KCNT2: variants seen among roughly 807,000 people sequenced by gnomAD.
KCNT2 encodes potassium channel subfamily T member 2.
KCNT2 carries 67 observed loss-of-function variants against 153.8 expected under a neutral mutation model. That is an observed-to-expected ratio of 0.44 (90% CI 0.36 to 0.53). KCNT2 has a LOEUF of 0.53. Among genes scored for constraint, KCNT2 ranks in the 20% least tolerant of loss-of-function variants. The pLI, the probability that KCNT2 is intolerant of heterozygous loss-of-function variation, is 0.00. For missense variants in KCNT2, 975 were observed against 1,354.8 expected, an observed-to-expected ratio of 0.72 and a Z score of 4.40; for synonymous variants, 500 against 458.8, an observed-to-expected ratio of 1.09 and a Z score of -1.15.
At chr1:196,287,881 T>C (rs767266210) in intron 22 of KCNT2, among the ~76,000 whole-genome samples, 5 of 152,122 alleles carry the variant, frequency 3.3e-5, no homozygotes, top group Non-Finnish European at 5.9e-5. Flanking sequence ...TGCAAGAACT[T>C]ACACTGCTGT....
chr1:196,264,743 T>C (rs1043179427), intron 25 of KCNT2, among the ~76,000 whole-genome samples: 3 of 152,178 alleles, frequency 2.0e-5, no homozygotes, highest in African/African-American at 7.2e-5. Flanking sequence ...GCAATCCTCC[T>C]GCCTCAGACT....
In KCNT2 at chr1:196,342,175, C is replaced by G. The variant is rs771968566; in HGVS notation, c.1457G>C (p.Gly486Ala). The G allele has an allele frequency of 1.2e-6, 2 of 1,611,538 alleles. No individual in the cohort carries two copies. The highest frequency in any genetic ancestry group is 1.1e-5 in the South Asian group (1 of 90,592). The change falls in exon 15 of 28, where the codon GGG becomes GCG. Residue 486 changes from glycine to alanine, a missense_variant. This residue lies in a region of KCNT2 where 325 missense variants were observed against 388.1 expected (regional missense o/e 0.84). Transcript: ENST00000294725. ...CAAAACAATGTGGTAGACTTCATTC[C>G]CGGAGCATCTACCGTACATCTTCTG... ...QWQKMYGRCS[G>A]NEVYHIVLEE...
At position 196,284,180 on chromosome 1, in the gene KCNT2, G is replaced by A. The variant is rs187574868; in HGVS notation, c.2697+1477C>T. ...TGGGAGCTAGAGGTTGCAGTGAGCC[G>A]AGATCGCACCACCGCCCTCTAGACT... On this transcript the variant is annotated intron_variant, in intron 23 of 27. Coordinates refer to ENST00000294725, the MANE Select transcript of KCNT2 (RefSeq NM_198503.5). 1.2e-3 allele frequency among the ~76,000 whole-genome samples: 158 copies of A among 133,192 alleles called. 1 individual carries two copies. The highest frequency in any genetic ancestry group is 4.1e-3 in the African/African-American group (145 of 35,700). The allele number at this position is 133,192 out of a possible 152,430, so 87.4% of individuals were successfully genotyped here.
chr1:196,373,502 C>A (rs1388841020), intron 13 of KCNT2, among the ~76,000 whole-genome samples: 1 of 151,792 alleles, frequency 6.6e-6, no homozygotes, highest in Non-Finnish European at 1.5e-5. Context: ...AAATGCTTAA[C>A]CCTGTCTTAA....
chr1:196,295,695 A>G (rs919526201), intron 22 of KCNT2, among the ~76,000 whole-genome samples: 2 of 152,034 alleles, frequency 1.3e-5, no homozygotes, highest in African/African-American at 4.8e-5. Context: ...AAATTTAAAA[A>G]TAATATTTTT....
intron 27 of KCNT2, among the ~76,000 whole-genome samples, chr1:196,235,107 C>G (rs1412338514): frequency 6.6e-6 from 1 of 151,404 alleles, no homozygotes; most frequent in African/African-American, 2.4e-5. Context: ...TAAGACCTTT[C>G]CAGAGGCAAA....
intron 8 of KCNT2, among the ~76,000 whole-genome samples, chr1:196,448,607 G>C (rs946422236): frequency 1.3e-5 from 2 of 151,464 alleles, no homozygotes; most frequent in Admixed American, 1.3e-4. Flanking sequence ...TTGACTTATA[G>C]TTTTTTCTGT....
chr1:196,435,314 A>C (rs1200652093), intron 8 of KCNT2, among the ~76,000 whole-genome samples: 1 of 150,186 alleles, frequency 6.7e-6, no homozygotes, highest in East Asian at 2.0e-4. Flanking sequence ...AAAAGCAAGT[A>C]AAATAGGCTT....
chr1:196,328,286 C>T (rs531282800), intron 18 of KCNT2, among the ~76,000 whole-genome samples: 10 of 151,530 alleles, frequency 6.6e-5, no homozygotes, highest in East Asian at 3.9e-4. Flanking sequence ...AAAGGGATCA[C>T]GTGCGGGACA....
chr1:196,291,691 G>A (rs189858388), intron 22 of KCNT2, among the ~76,000 whole-genome samples: 8 of 152,078 alleles, frequency 5.3e-5, no homozygotes, highest in Non-Finnish European at 1.0e-4. Flanking sequence ...AACTACAGAG[G>A]AGTTTCATTT....
chr1:196,537,057 C>T (rs1164903752), intron 1 of KCNT2, among the ~76,000 whole-genome samples: 2 of 152,218 alleles, frequency 1.3e-5, no homozygotes, highest in African/African-American at 4.8e-5. Context: ...CCTGTGGATA[C>T]ATGCACATCC....
intron 14 of KCNT2, among the ~76,000 whole-genome samples, chr1:196,371,495 AGTAT>A (rs1328619418): frequency 6.6e-6 from 1 of 152,052 alleles, no homozygotes; most frequent in African/African-American, 2.4e-5. Flanking sequence ...TGAATTGTAT[AGTAT>A]GTAAGTTTTA....
intron 25 of KCNT2, among the ~76,000 whole-genome samples, chr1:196,261,198 C>A (rs913637727): frequency 7.9e-5 from 12 of 151,772 alleles, no homozygotes; most frequent in Non-Finnish European, 1.8e-4. Flanking sequence ...TATAGTAGGA[C>A]CTTCTCCTGA....
intron 1 of KCNT2, among the ~76,000 whole-genome samples, chr1:196,592,010 G>C (rs1478272842): frequency 5.3e-5 from 8 of 152,228 alleles, no homozygotes; most frequent in Middle Eastern, 3.4e-3. Context: ...CAAGTGTAAA[G>C]AGATGTATTA....
In KCNT2 at chr1:196,565,586, A is replaced by T. The variant is rs1041526727; in HGVS notation, c.95+42629T>A. 3.6e-5 allele frequency among the ~76,000 whole-genome samples: 5 copies of T among 138,886 alleles called. No homozygotes were observed. In the East Asian group the frequency reaches 9.8e-4, roughly 27 times the overall value. 91.1% of individuals were successfully genotyped at this position (138,886 alleles called of 152,430 possible). The stretch of plus-strand genomic sequence containing the variant: ...TTAAAATGTTGTATATATACAAATC[A>T]TTATACATATATATATATATATATG... On this transcript the variant is annotated intron_variant, in intron 1 of 27. Transcript: ENST00000294725.
intron 21 of KCNT2, among the ~76,000 whole-genome samples, chr1:196,307,248 A>G (rs1661717581): frequency 6.6e-6 from 1 of 152,006 alleles, no homozygotes; most frequent in Non-Finnish European, 1.5e-5. Flanking sequence ...GGTTATTACT[A>G]TTTTCTTAGT....
chr1:196,510,030 G>C (rs551248242), intron 1 of KCNT2, among the ~76,000 whole-genome samples: 1 of 152,010 alleles, frequency 6.6e-6, no homozygotes, highest in African/African-American at 2.4e-5. Flanking sequence ...AAGACACATG[G>C]AAGATATTTT....
intron 12 of KCNT2, among the ~76,000 whole-genome samples, chr1:196,408,407 A>G (rs990701669): frequency 1.3e-5 from 2 of 151,614 alleles, no homozygotes; most frequent in African/African-American, 2.4e-5. Flanking sequence ...CAAAGCTTGC[A>G]TTGATCAAAC....
At chr1:196,341,027 AT>A (rs1280983792) in intron 15 of KCNT2, among the ~76,000 whole-genome samples, 1 of 151,858 alleles carries the variant, frequency 6.6e-6, no homozygotes, top group Non-Finnish European at 1.5e-5. Flanking sequence ...TTTAGAAAAA[AT>A]ATATATATTT....
Sources: allele counts gnomAD v4.1 joint callset (sites outside exome capture counted in the v4.1 genomes callset), GRCh38; gene constraint gnomAD v4.1.1; regional missense constraint gnomAD v4.1.1; transcripts MANE v1.5; gene names NCBI Gene and HGNC (gene_info 2026-07-23, HGNC 2026-07-21).